The following RALGPS2 variants were observed in gnomAD, a reference collection of about 807,000 sequenced individuals.
RALGPS2 encodes the protein ras-specific guanine nucleotide-releasing factor RalGPS2.
RALGPS2 carries 43 observed loss-of-function variants against 86.8 expected under a neutral mutation model. The observed-to-expected ratio is 0.50, with a 90% CI of 0.39 to 0.64. The LOEUF (loss-of-function observed/expected upper bound fraction) is 0.64, where lower values mean the gene tolerates loss of function less well. RALGPS2 is among the 30% of genes least tolerant of loss of function. The probability of loss-of-function intolerance (pLI) is 0.00; values close to 1 mark genes in which losing one functional copy is unlikely to be tolerated. For missense variants in RALGPS2, 536 were observed against 694.6 expected (o/e 0.77, Z 2.57); for synonymous variants, 243 against 231.3 (o/e 1.05, Z -0.46).
chr1:178,741,336 A>G (rs1236530526), intron 1 of RALGPS2, among the ~76,000 whole-genome samples: 1 of 152,240 alleles, frequency 6.6e-6, no homozygotes, highest in Non-Finnish European at 1.5e-5. Flanking sequence ...GTTATACAAT[A>G]TGTAACGGGC....
intron 1 of RALGPS2, among the ~76,000 whole-genome samples, chr1:178,760,755 A>G (rs1263459847): frequency 6.6e-6 from 1 of 150,986 alleles, no homozygotes; most frequent in East Asian, 1.9e-4. Flanking sequence ...CAGTCTGGTG[A>G]TGATATGCCT....
Position 178,811,405 on chromosome 1 carries a change from G to T in RALGPS2, c.387+1G>T. ...GAGCCACTATATTAAAACTGCTAAG[G>T]TAAGAAAAACTTGTGTTTTTATTTT... On this transcript the variant is annotated splice_donor_variant, in intron 6 of 19. Coordinates refer to ENST00000367635, the MANE Select transcript of RALGPS2 (RefSeq NM_152663.5). LOFTEE classifies it high-confidence loss of function. The T allele has an allele frequency of 6.6e-7, 1 of 1,524,096 alleles. No homozygotes were observed. The highest frequency in any genetic ancestry group is 8.8e-7 in the Non-Finnish European group (1 of 1,142,456). 94.4% of individuals were successfully genotyped at this position (1,524,096 alleles called of 1,614,324 possible). A position where few individuals can be genotyped will look rare whatever the true frequency, so the allele number is the denominator to read the frequency against.
Position 178,826,085 on chromosome 1 carries a change from T to C in RALGPS2, c.480+4381T>C, listed in dbSNP as rs1023244665. On this transcript the variant is annotated intron_variant, in intron 7 of 19. Coordinates refer to ENST00000367635, the MANE Select transcript of RALGPS2 (RefSeq NM_152663.5). ...GGACCATGAATTCAGGAGGATACAGTTGGAAAGGTTTGGGATGGTTTTGTT... is the reference window on the plus strand; with the variant it reads ...GGACCATGAATTCAGGAGGATACAGCTGGAAAGGTTTGGGATGGTTTTGTT... Among the ~76,000 whole-genome samples the C allele has an allele frequency of 2.6e-5, 4 of 152,244 alleles. No homozygotes were observed. In the South Asian group the frequency reaches 6.2e-4, roughly 24 times the overall value.
chr1:178,791,250 A>T (rs1313617170), intron 4 of RALGPS2, among the ~76,000 whole-genome samples: 1 of 149,712 alleles, frequency 6.7e-6, no homozygotes, highest in East Asian at 2.0e-4. Flanking sequence ...CCTGCCAAGT[A>T]TCTAAGACTA....
intron 6 of RALGPS2, among the ~76,000 whole-genome samples, chr1:178,820,161 C>G (rs924792514): frequency 1.3e-5 from 2 of 152,182 alleles, no homozygotes; most frequent in African/African-American, 4.8e-5. Flanking sequence ...AGCCTCACAT[C>G]AGGTTAGATT....
At chr1:178,907,020 A>G (rs1660413017) in intron 19 of RALGPS2, among the ~76,000 whole-genome samples, 153 bp downstream of exon 19, 1 of 152,266 alleles carries the variant, frequency 6.6e-6, no homozygotes, top group African/African-American at 2.4e-5. Context: ...ATGAAGGTCT[A>G]CATCTTAGTG....
chr1:178,882,734 T>C (rs1659311237), intron 10 of RALGPS2, among the ~76,000 whole-genome samples: 1 of 152,188 alleles, frequency 6.6e-6, no homozygotes, highest in Non-Finnish European at 1.5e-5. Flanking sequence ...CATAATCTCT[T>C]TCACTGTGAA....
chr1:178,830,641 T>A (rs1655971649), intron 7 of RALGPS2, among the ~76,000 whole-genome samples: 1 of 152,192 alleles, frequency 6.6e-6, no homozygotes, highest in Non-Finnish European at 1.5e-5. Context: ...GAAAAATATA[T>A]GTGAATATCT....
At chr1:178,844,772 A>G (rs1656785069) in intron 8 of RALGPS2, among the ~76,000 whole-genome samples, 1 of 152,218 alleles carries the variant, frequency 6.6e-6, no homozygotes, top group Non-Finnish European at 1.5e-5. Flanking sequence ...GCAAACTAGA[A>G]TATTGTGAAA....
At chr1:178,825,324 C>G (rs555212996) in intron 7 of RALGPS2, among the ~76,000 whole-genome samples, 9 of 152,018 alleles carry the variant, frequency 5.9e-5, no homozygotes, top group African/African-American at 1.9e-4. Flanking sequence ...GATGAGGAAA[C>G]TAAGCCAAGT....
At chr1:178,861,417 C>G (rs562761085) in intron 8 of RALGPS2, among the ~76,000 whole-genome samples, 12 of 150,206 alleles carry the variant, frequency 8.0e-5, no homozygotes, top group Non-Finnish European at 1.8e-4. Flanking sequence ...TACTAAATCC[C>G]TAATATGAGG....
intron 2 of RALGPS2, among the ~76,000 whole-genome samples, chr1:178,777,443 A>G (rs1459191620): frequency 3.3e-5 from 5 of 151,858 alleles, no homozygotes; most frequent in Non-Finnish European, 2.9e-5. Flanking sequence ...GGAAGAATCA[A>G]TATGGTGAAA....
At chr1:178,902,254 G>T in intron 18 of RALGPS2, 43 bp downstream of exon 18, 1 of 1,436,818 alleles carries the variant, frequency 7.0e-7, no homozygotes, top group Non-Finnish European at 9.8e-7. Flanking sequence ...CTGCGTATGT[G>T]TTTGTGTATA....
At chr1:178,794,661 G>A (rs1362331402) in intron 4 of RALGPS2, among the ~76,000 whole-genome samples, 1 of 152,128 alleles carries the variant, frequency 6.6e-6, no homozygotes, top group Non-Finnish European at 1.5e-5. Context: ...TGAACTTTCT[G>A]TTACTAAGCA....
At chr1:178,903,586 G>T (rs1660268987) in intron 18 of RALGPS2, among the ~76,000 whole-genome samples, 1 of 152,148 alleles carries the variant, frequency 6.6e-6, no homozygotes, top group South Asian at 2.1e-4. Context: ...CCACGTATCA[G>T]TGAGAACATA....
rs773765796 is a variant in RALGPS2, at chr1:178,785,563, A to G, written c.169A>G (p.Ile57Val). Residue 57 changes from isoleucine to valine, a missense_variant, in exon 4 of 20, where the codon ATA (isoleucine) becomes GTA (valine). By Grantham distance (29) the Ile-to-Val change is conservative. This residue lies in a region of RALGPS2 where 184 missense variants were observed against 296.7 expected (regional missense o/e 0.62). Coordinates refer to ENST00000367635, the MANE Select transcript of RALGPS2 (RefSeq NM_152663.5). ...KVTPEEYAGQITLMDVPVFKA... is the reference protein window; with the variant it reads ...KVTPEEYAGQVTLMDVPVFKA... Reference sequence around the variant, plus strand: ...TTTTTACTTTATATTTCAGGGTCAGATAACATTAATGGATGTTCCAGTATT... The same window carrying G: ...TTTTTACTTTATATTTCAGGGTCAGGTAACATTAATGGATGTTCCAGTATT... 2.5e-6 allele frequency: 4 copies of G among 1,584,166 alleles called. No homozygotes were observed. Among genetic ancestry groups the G allele is most frequent in the Non-Finnish European group, 3.4e-6 (4 of 1,166,398 alleles).
chr1:178,852,976 G>A, intron 8 of RALGPS2: 6 of 1,590,650 alleles, frequency 3.8e-6, no homozygotes, highest in Non-Finnish European at 5.1e-6. Flanking sequence ...GAAGAAACAT[G>A]AGTGCATAAA....
chr1:178,899,995 A>G (rs1411544930), intron 17 of RALGPS2, among the ~76,000 whole-genome samples: 1 of 151,948 alleles, frequency 6.6e-6, no homozygotes, highest in Non-Finnish European at 1.5e-5. Flanking sequence ...TTGTATAGGA[A>G]TATATTCTTG....
intron 8 of RALGPS2, among the ~76,000 whole-genome samples, chr1:178,852,050 A>G (rs1210270615): frequency 6.6e-6 from 1 of 152,172 alleles, no homozygotes; most frequent in Non-Finnish European, 1.5e-5. Context: ...TGTTATTCCT[A>G]TGCCACATGT....
Sources: gnomAD v4.1 joint callset for allele counts (sites outside exome capture counted in the v4.1 genomes callset) on GRCh38, gnomAD v4.1.1 for gene constraint, gnomAD v4.1.1 regional missense constraint, MANE v1.5 for transcripts, NCBI Gene and HGNC (gene_info 2026-07-23, HGNC 2026-07-21) for gene names.